Variants in ELF2 observed in about 807,000 individuals in gnomAD.
The protein encoded by ELF2 is ETS-related transcription factor Elf-2.
ELF2 carries 11 observed loss-of-function variants against 54.8 expected under a neutral mutation model. That is an observed-to-expected ratio of 0.20 (90% confidence interval 0.13 to 0.33). The LOEUF (loss-of-function observed/expected upper bound fraction) is 0.33. Ranked by LOEUF, ELF2 falls within the 10% of genes least tolerant of loss-of-function variation. ELF2 has a pLI of 1.00. For synonymous variants in ELF2, 203 were observed against 245.1 expected (o/e 0.83, Z 1.61); for missense variants, 513 against 703.0 (o/e 0.73, Z 3.06).
chr4:139,164,881 C>T (rs1741569530), intron 1 of ELF2, among the ~76,000 whole-genome samples: 2 of 152,166 alleles, frequency 1.3e-5, no homozygotes, highest in South Asian at 4.1e-4. Context: ...TTACTAAGAG[C>T]CATGTATTTC....
chr4:139,095,871 C>T (rs1303379505), intron 4 of ELF2, among the ~76,000 whole-genome samples: 1 of 152,064 alleles, frequency 6.6e-6, no homozygotes, highest in Non-Finnish European at 1.5e-5. Flanking sequence ...ATGGTGAAAC[C>T]CCATCTCTAC....
intron 4 of ELF2, among the ~76,000 whole-genome samples, chr4:139,104,058 C>T (rs903642736): frequency 9.9e-5 from 15 of 151,882 alleles, no homozygotes; most frequent in Admixed American, 8.5e-4. Context: ...AATCAAACAC[C>T]CAATTATGAC....
chr4:139,124,913 C>T lies in ELF2; in HGVS notation c.238+251G>A, dbSNP rs150499428. Among the ~76,000 whole-genome samples, 279 of 152,044 alleles carry T rather than the reference C, an allele frequency of 1.8e-3. 1 individual carries two copies. Among genetic ancestry groups the T allele is most frequent in the African/African-American group, 6.5e-3 (271 of 41,472 alleles). On this transcript the variant is annotated intron_variant, in intron 4 of 9. Coordinates refer to ENST00000686138, the MANE Select transcript of ELF2 (RefSeq NM_001331036.3). ...TCTCAGAAAAAAAATAATAAAATAA[C>T]TTTATCATTATGTGAAGCTGTAATT...
At chr4:139,098,772 T>C (rs1733566635) in intron 4 of ELF2, among the ~76,000 whole-genome samples, 1 of 152,214 alleles carries the variant, frequency 6.6e-6, no homozygotes, top group Admixed American at 6.5e-5. Flanking sequence ...CCGGCCGATA[T>C]TTTTAAAACT....
At chr4:139,087,118 T>C (rs1354219029) in intron 4 of ELF2, among the ~76,000 whole-genome samples, 1 of 152,238 alleles carries the variant, frequency 6.6e-6, no homozygotes, top group Non-Finnish European at 1.5e-5. Context: ...TGACTTAGGT[T>C]CATGTTTTTT....
chr4:139,076,866 C>G (rs1005731535), intron 4 of ELF2, among the ~76,000 whole-genome samples: 1 of 152,030 alleles, frequency 6.6e-6, no homozygotes, highest in Non-Finnish European at 1.5e-5. Context: ...CCCTTCCCCC[C>G]TAAAATTCAA....
chr4:139,144,878 C>T (rs1453070434), intron 1 of ELF2, among the ~76,000 whole-genome samples: 4 of 152,218 alleles, frequency 2.6e-5, no homozygotes, highest in Admixed American at 2.6e-4. Flanking sequence ...CTGACCAAGC[C>T]CCCCACCTGG....
At chr4:139,060,808 C>G (rs1192746358) in intron 8 of ELF2, 134 bp from the exon 9 acceptor site, 1 of 749,386 alleles carries the variant, frequency 1.3e-6, no homozygotes, top group Non-Finnish European at 2.1e-6. Flanking sequence ...GAGAAAAAAA[C>G]AAACTCTTAC....
intron 4 of ELF2, among the ~76,000 whole-genome samples, chr4:139,111,751 A>G (rs1734969301): frequency 6.6e-6 from 1 of 152,190 alleles, no homozygotes; most frequent in East Asian, 1.9e-4. Context: ...CTACCTTGTT[A>G]ACTCCAAAAA....
At chr4:139,070,978 G>A (rs1403697829) in intron 6 of ELF2, among the ~76,000 whole-genome samples, 2 of 152,160 alleles carry the variant, frequency 1.3e-5, no homozygotes, top group Non-Finnish European at 2.9e-5. Flanking sequence ...AGAATTAGAT[G>A]AATACCTAAT....
intron 4 of ELF2, among the ~76,000 whole-genome samples, chr4:139,121,095 A>AT (rs10711256): frequency 0.016 from 1,012 of 65,096 alleles, 182 homozygotes; most frequent in African/African-American, 0.024. Flanking sequence ...TATAACACAG[A>AT]TTTTTTTTTT....
In ELF2 at chr4:139,151,041, A is replaced by G. The variant is rs796383239; in HGVS notation, c.-251-11544T>C. Reference sequence around the variant, plus strand: ...TCCATCTCAAAAAAAAAAAAGAAAGAAAGAAAGAAAGAAAGAAAGAAAGAA... The same window carrying G: ...TCCATCTCAAAAAAAAAAAAGAAAGGAAGAAAGAAAGAAAGAAAGAAAGAA... On this transcript the variant is annotated intron_variant, in intron 1 of 9. Coordinates refer to ENST00000686138, the MANE Select transcript of ELF2 (RefSeq NM_001331036.3). Among the ~76,000 whole-genome samples the G allele has an allele frequency of 2.3e-4, 15 of 66,472 alleles. 1 individual carries two copies. Among genetic ancestry groups the G allele is most frequent in the East Asian group, 1.9e-3 (3 of 1,540 alleles). 43.6% of individuals were successfully genotyped at this position (66,472 alleles called of 152,430 possible). A position where few individuals can be genotyped will look rare whatever the true frequency, so the allele number is the denominator to read the frequency against.
intron 1 of ELF2, among the ~76,000 whole-genome samples, chr4:139,143,708 A>G (rs990480305): frequency 6.6e-6 from 1 of 152,200 alleles, no homozygotes; most frequent in Admixed American, 6.5e-5. Context: ...CGAGCTCGGG[A>G]GGCGGAGGTT....
At chr4:139,165,119 T>C (rs1382310440) in intron 1 of ELF2, among the ~76,000 whole-genome samples, 1 of 144,436 alleles carries the variant, frequency 6.9e-6, no homozygotes, top group African/African-American at 2.5e-5. Flanking sequence ...AGATAATCCC[T>C]GTATTTCATG....
intron 4 of ELF2, among the ~76,000 whole-genome samples, chr4:139,075,853 C>G (rs1199730254): frequency 1.3e-5 from 2 of 152,142 alleles, no homozygotes; most frequent in African/African-American, 2.4e-5. Context: ...AAATGTTGAA[C>G]AGTTAACTTA....
At chr4:139,161,017 T>C (rs759284858) in intron 1 of ELF2, among the ~76,000 whole-genome samples, 8 of 152,152 alleles carry the variant, frequency 5.3e-5, no homozygotes, top group Non-Finnish European at 1.0e-4. Context: ...GTAAGATCTC[T>C]CTGTGTGTGT....
intron 4 of ELF2, among the ~76,000 whole-genome samples, chr4:139,091,027 G>A (rs762838236): frequency 1.1e-4 from 17 of 152,128 alleles, no homozygotes; most frequent in Middle Eastern, 6.8e-3. Context: ...TCCACCTTCC[G>A]GGTTCACGCC....
intron 4 of ELF2, among the ~76,000 whole-genome samples, chr4:139,110,206 T>C (rs1400013390): frequency 6.6e-6 from 1 of 152,160 alleles, no homozygotes; most frequent in Non-Finnish European, 1.5e-5. Context: ...ATTAAGACTC[T>C]TAAAGTGGCA....
chr4:139,174,465 G>C (rs557903315), intron 1 of ELF2, among the ~76,000 whole-genome samples: 1 of 152,224 alleles, frequency 6.6e-6, no homozygotes, highest in Admixed American at 6.5e-5. Flanking sequence ...TGGATATGGG[G>C]CTCTTTTGGG....
Sources: gnomAD v4.1 joint callset for allele counts (sites outside exome capture counted in the v4.1 genomes callset) on GRCh38, gnomAD v4.1.1 for gene constraint, MANE v1.5 for transcripts, NCBI Gene and HGNC (gene_info 2026-07-23, HGNC 2026-07-21) for gene names.